Variants in TOP3B observed in about 807,000 individuals in gnomAD.
TOP3B encodes the protein DNA topoisomerase III beta.
In TOP3B, 45 loss-of-function variants were observed where a neutral mutation model predicts 93.9. The observed-to-expected ratio is 0.48, with a 90% CI of 0.38 to 0.61. TOP3B has a LOEUF of 0.61. Among genes scored for constraint, TOP3B ranks in the 20% least tolerant of loss-of-function variants. TOP3B has a pLI of 0.00. For missense variants in TOP3B, 750 were observed against 1,156.1 expected (o/e 0.65, Z 5.09); for synonymous variants, 357 against 472.6 (o/e 0.76, Z 3.17).
chr22:21,975,570 T>G (rs544055968), intron 2 of TOP3B, 70 bp downstream of exon 2: 28 of 1,503,852 alleles, frequency 1.9e-5, no homozygotes, highest in East Asian at 1.7e-4. Context: ...TGGAATCACA[T>G]TAGGAAAAAA....
chr22:21,962,957 AGTACTCTCGCTC>A lies in TOP3B; in HGVS notation c.1205-76_1205-65del. 1.9e-6 allele frequency: 3 copies of A among 1,587,656 alleles called. No individual in the cohort carries two copies. The South Asian group carries it at 3.3e-5, about 18-fold the overall frequency. On this transcript the variant is annotated intron_variant, in intron 11 of 17. Transcript: ENST00000357179. ...GGGGCTCTGGCCGTGAGGAGCCCCCAGTACTCTCGCTCGAGCAGCAAGCTCCTGCTTACAGAG... is the reference window on the plus strand; with the variant it reads ...GGGGCTCTGGCCGTGAGGAGCCCCCAGAGCAGCAAGCTCCTGCTTACAGAG...
chr22:21,974,842 C>T (rs2145875316), intron 2 of TOP3B: 1 of 172,656 alleles, frequency 5.8e-6, no homozygotes, highest in East Asian at 1.7e-4. Flanking sequence ...CTAAAACAGA[C>T]TCCAGATCTA....
At chr22:21,975,516 T>G (rs762540463) in intron 2 of TOP3B, 124 bp downstream of exon 2, 321 of 1,139,200 alleles carry the variant, frequency 2.8e-4, no homozygotes, top group Non-Finnish European at 3.4e-4. Flanking sequence ...CTGAGATGCT[T>G]CATTACCACC....
At position 21,963,619 on chromosome 22, in the gene TOP3B, C is replaced by A. The variant is rs536559140; in HGVS notation, c.1204+304G>T. On this transcript the variant is annotated intron_variant, in intron 11 of 17. Transcript: ENST00000357179. This position sits in a 1 kb window ranked among gnomAD's most constrained non-coding sequence, Gnocchi z 4.8. The stretch of plus-strand genomic sequence containing the variant: ...TCGGACCACTGGTACCACCTTAGGC[C>A]AGCTGGGAGGTAGGAGGTGTGCTGC... The A allele has an allele frequency of 3.6e-4, 149 of 409,702 alleles. No individual in the cohort carries two copies. The highest frequency in any genetic ancestry group is 2.7e-3 in the African/African-American group (134 of 48,792). 25.4% of individuals were successfully genotyped at this position (409,702 alleles called of 1,614,324 possible). A position where few individuals can be genotyped will look rare whatever the true frequency, so the allele number is the denominator to read the frequency against.
chr22:21,980,746 G>C (rs1275237426), intron 1 of TOP3B, among the ~76,000 whole-genome samples: 1 of 152,148 alleles, frequency 6.6e-6, no homozygotes, highest in African/African-American at 2.4e-5. Context: ...AGCAGGCTTC[G>C]GCCTAGGCCA....
At position 21,958,633 on chromosome 22, in the gene TOP3B, C is replaced by T. The variant is rs755730877; in HGVS notation, c.1966G>A (p.Gly656Ser). The T allele has an allele frequency of 4.3e-6, 7 of 1,613,830 alleles. No homozygotes were observed. Among genetic ancestry groups the T allele is most frequent in the Non-Finnish European group, 5.9e-6 (7 of 1,180,024 alleles). ...AGCTCCTTGTAGAGCTTGATGGTGC[C>T]GTTCTGGGGGAGCGTGTAGGTCTCA... is the stretch of plus-strand genomic sequence containing the variant. ...CDETYTLPQN[G>S]TIKLYKELRC... Residue 656 changes from glycine to serine, a missense_variant, in exon 17 of 18, where the codon GGC (glycine) becomes AGC (serine). This residue lies in a region of TOP3B where 737 missense variants were observed against 933.7 expected (regional missense o/e 0.79). Coordinates refer to ENST00000357179, the MANE Select transcript of TOP3B (RefSeq NM_001282112.2).
At chr22:21,972,202 C>CT in intron 4 of TOP3B, 1 of 510,698 alleles carries the variant, frequency 2.0e-6, no homozygotes, top group Non-Finnish European at 3.4e-6. Flanking sequence ...TACCCCAAAA[C>CT]TGCCCAGAAG....
At chr22:21,978,624 T>C (rs1349324474) in intron 1 of TOP3B, among the ~76,000 whole-genome samples, 3 of 151,992 alleles carry the variant, frequency 2.0e-5, no homozygotes. Flanking sequence ...GGTAAGGTCC[T>C]GAAAGCCACA....
chr22:21,958,535 G>A lies in TOP3B; in HGVS notation c.2064C>T (p.Cys688=). 2 of 1,614,110 alleles carry A rather than the reference G, an allele frequency of 1.2e-6. No individual in the cohort carries two copies. The highest frequency in any genetic ancestry group is 1.7e-6 in the Non-Finnish European group (2 of 1,180,034). The change falls in exon 17 of 18, where the codon TGC becomes TGT. Residue 688 remains cysteine, a synonymous_variant. Transcript: ENST00000357179. The part of the protein sequence containing the change: ...SGSRGKSYPL[C]PYCYNHPPFR... ...AGGGTGGGTGGTTGTAGCAGTAGGG[G>A]CACAGCGGGTAGCTCTTGCCCCGAG...
chr22:21,959,425 T>C, intron 15 of TOP3B, 162 bp downstream of exon 15: 12 of 1,493,380 alleles, frequency 8.0e-6, no homozygotes, highest in Non-Finnish European at 8.9e-6. Flanking sequence ...TTAATGCACC[T>C]GCTCTTTCAA....
At position 21,970,415 on chromosome 22, in the gene TOP3B, G is replaced by T; in HGVS notation, c.385-9C>A. 1 of 1,612,808 alleles carries T rather than the reference G, an allele frequency of 6.2e-7. No homozygotes were observed. Among genetic ancestry groups the T allele is most frequent in the Non-Finnish European group, 8.5e-7 (1 of 1,179,578 alleles). ...AGAACAGCATCAAGAACCTGGGGGT[G>T]GGGAGTGGCCAGCTGTGACCCACCT... On this transcript the variant is annotated splice_polypyrimidine_tract_variant and intron_variant, in intron 5 of 17. Coordinates refer to ENST00000357179, the MANE Select transcript of TOP3B (RefSeq NM_001282112.2). The surrounding 1 kb of genome is among the most constrained non-coding windows in gnomAD (Gnocchi z 4.4).
intron 7 of TOP3B, chr22:21,968,231 T>C (rs561823616): frequency 4.2e-6 from 1 of 238,144 alleles, no homozygotes; most frequent in African/African-American, 2.2e-5. Flanking sequence ...CCTAGCTGTA[T>C]TAAGTCTTAC....
At position 21,963,672 on chromosome 22, in the gene TOP3B, C is replaced by T. The variant is rs943748020; in HGVS notation, c.1204+251G>A. 3.6e-5 allele frequency: 19 copies of T among 523,632 alleles called. 1 individual carries two copies. In the Admixed American group the frequency reaches 6.3e-4, roughly 17 times the overall value. 32.4% of individuals were successfully genotyped at this position (523,632 alleles called of 1,614,324 possible). A position where few individuals can be genotyped will look rare whatever the true frequency, so the allele number is the denominator to read the frequency against. On this transcript the variant is annotated intron_variant, in intron 11 of 17. Transcript: ENST00000357179. The surrounding 1 kb of genome is among the most constrained non-coding windows in gnomAD (Gnocchi z 4.8). ...CCTCCCCCACACCGCCACTCTCTACCCTGGTTTCATTCATGTCCCCTGTGG... is the reference window on the plus strand; with the variant it reads ...CCTCCCCCACACCGCCACTCTCTACTCTGGTTTCATTCATGTCCCCTGTGG...
At chr22:21,959,307 G>A in intron 15 of TOP3B, 75 bp from the exon 16 acceptor site, 2 of 1,590,876 alleles carry the variant, frequency 1.3e-6, no homozygotes, top group Non-Finnish European at 1.7e-6. Context: ...GTGGTCAAGG[G>A]TCTGAGTGTG....
At chr22:21,974,664 T>A (rs1358982198) in intron 2 of TOP3B, 176 bp from the exon 3 acceptor site, 1 of 650,572 alleles carries the variant, frequency 1.5e-6, no homozygotes, top group Admixed American at 3.1e-5. Context: ...GGGACGGCGC[T>A]CAGGGAAAAC....
Position 21,982,083 on chromosome 22 carries a change from G to A in TOP3B, c.-99+647C>T, listed in dbSNP as rs1171499872. ...TCAGAACAAGTCACACTAGTGTCAG[G>A]TGACCTTGGCAAAAGAATCCCAGGA... On this transcript the variant is annotated intron_variant, in intron 1 of 17. Coordinates refer to ENST00000357179, the MANE Select transcript of TOP3B (RefSeq NM_001282112.2). The A allele has an allele frequency of 2.0e-5, 3 of 152,146 alleles. No individual in the cohort carries two copies. The East Asian group carries it at 5.8e-4, about 29-fold the overall frequency. 9.4% of individuals were successfully genotyped at this position (152,146 alleles called of 1,614,324 possible).
At position 21,968,456 on chromosome 22, in the gene TOP3B, G is replaced by A. The variant is rs550167465; in HGVS notation, c.738+163C>T. On this transcript the variant is annotated intron_variant, in intron 7 of 17. Transcript: ENST00000357179. ...AGTCTCTTCCCACTGCCCCCATGAA[G>A]GCTGGGGTCCCTCAGCCCTAGGCAC... is the stretch of plus-strand genomic sequence containing the variant. 4.3e-5 allele frequency: 33 copies of A among 773,236 alleles called. No homozygotes were observed. In the East Asian group the frequency reaches 7.9e-4, roughly 18 times the overall value. The allele number at this position is 773,236 out of a possible 1,614,324, so 47.9% of individuals were successfully genotyped here.
chr22:21,965,192 G>A (rs763364614), intron 9 of TOP3B, 93 bp downstream of exon 9: 19 of 824,700 alleles, frequency 2.3e-5, no homozygotes. Context: ...TTGAAGCCTT[G>A]GGCACCATCC....
chr22:21,979,898 G>A (rs1330827254), intron 1 of TOP3B, among the ~76,000 whole-genome samples: 7 of 130,982 alleles, frequency 5.3e-5, no homozygotes, highest in East Asian at 4.7e-4. Flanking sequence ...CCGAGATTGC[G>A]CCACTGCACT....
Sources: allele counts gnomAD v4.1 joint callset (sites outside exome capture counted in the v4.1 genomes callset), GRCh38; gene constraint gnomAD v4.1.1; regional missense constraint gnomAD v4.1.1; non-coding constraint Gnocchi (gnomAD v3.1); transcripts MANE v1.5; gene names NCBI Gene and HGNC (gene_info 2026-07-23, HGNC 2026-07-21).